SMAP1: variants seen among roughly 807,000 people sequenced by gnomAD.
SMAP1 encodes the protein stromal membrane-associated protein 1.
SMAP1 carries 24 observed loss-of-function variants against 58.5 expected under a neutral mutation model. The observed-to-expected ratio is 0.41, with a 90% confidence interval of 0.30 to 0.58. SMAP1 has a LOEUF of 0.58. Among genes scored for constraint, SMAP1 ranks in the 20% least tolerant of loss-of-function variants. The pLI, the probability that SMAP1 is intolerant of heterozygous loss-of-function variation, is 0.29. For synonymous variants in SMAP1, 216 were observed against 196.6 expected, an observed-to-expected ratio of 1.10 and a Z score of -0.82; for missense variants, 563 against 566.3, an observed-to-expected ratio of 0.99 and a Z score of 0.06.
intron 2 of SMAP1, among the ~76,000 whole-genome samples, chr6:70,739,672 C>T (rs1206416035): frequency 1.3e-5 from 2 of 151,826 alleles, no homozygotes; most frequent in African/African-American, 4.8e-5. Flanking sequence ...TTTTAATATT[C>T]TCTTGCTTTA....
At chr6:70,680,485 A>G (rs780661685) in intron 1 of SMAP1, among the ~76,000 whole-genome samples, 2 of 152,196 alleles carry the variant, frequency 1.3e-5, no homozygotes, top group Non-Finnish European at 2.9e-5. Flanking sequence ...TAAAACAAGC[A>G]CTTGAATGTT....
intron 6 of SMAP1, among the ~76,000 whole-genome samples, chr6:70,803,904 C>T (rs1161266966): frequency 1.3e-5 from 2 of 152,178 alleles, no homozygotes; most frequent in Non-Finnish European, 2.9e-5. Flanking sequence ...GAGTGTTTTA[C>T]TTCCAATTAT....
chr6:70,698,679 T>A (rs1211927512), intron 1 of SMAP1, among the ~76,000 whole-genome samples: 3 of 150,864 alleles, frequency 2.0e-5, no homozygotes, highest in African/African-American at 7.2e-5. Context: ...GTTGAGAGAC[T>A]CTGACGCATT....
intron 7 of SMAP1, among the ~76,000 whole-genome samples, chr6:70,847,876 C>T (rs548479523): frequency 6.6e-6 from 1 of 152,200 alleles, no homozygotes; most frequent in East Asian, 1.9e-4. Flanking sequence ...GATGTTCTCT[C>T]TCCCCTGAAA....
intron 4 of SMAP1, among the ~76,000 whole-genome samples, chr6:70,786,178 A>T (rs1193494339): frequency 6.6e-6 from 1 of 151,260 alleles, no homozygotes; most frequent in Non-Finnish European, 1.5e-5. Context: ...AATCCAGCAT[A>T]TAAACAGAAC....
At chr6:70,777,249 C>T (rs556421471) in intron 4 of SMAP1, among the ~76,000 whole-genome samples, 4 of 152,156 alleles carry the variant, frequency 2.6e-5, no homozygotes, top group Admixed American at 1.3e-4. Context: ...GTGAGATGAA[C>T]CCTGTACCTC....
chr6:70,854,530 G>T (rs1354932929), intron 8 of SMAP1, among the ~76,000 whole-genome samples: 2 of 152,048 alleles, frequency 1.3e-5, no homozygotes, highest in Non-Finnish European at 2.9e-5. Flanking sequence ...GCTGAGGCAG[G>T]AGAATTGCTT....
intron 1 of SMAP1, among the ~76,000 whole-genome samples, chr6:70,707,505 CAT>C (rs1402514537): frequency 6.6e-6 from 1 of 152,046 alleles, no homozygotes; most frequent in African/African-American, 2.4e-5. Flanking sequence ...AAACTAAACA[CAT>C]ATTTTCAAAA....
chr6:70,697,542 G>A (rs1456795847), intron 1 of SMAP1, among the ~76,000 whole-genome samples: 6 of 152,066 alleles, frequency 3.9e-5, no homozygotes, highest in Admixed American at 3.3e-4. Context: ...TTCTGACCTC[G>A]TGATTTGCCT....
intron 6 of SMAP1, among the ~76,000 whole-genome samples, chr6:70,802,971 T>G (rs1195933250): frequency 1.3e-5 from 2 of 152,220 alleles, no homozygotes; most frequent in Non-Finnish European, 2.9e-5. Context: ...AATTCTCTTT[T>G]TTTGTTGTGT....
chr6:70,668,574 A>C, intron 1 of SMAP1: 1 of 1,534,758 alleles, frequency 6.5e-7, no homozygotes, highest in South Asian at 1.2e-5. Flanking sequence ...CCCCTCCTCT[A>C]CCCTCCGGTG....
At chr6:70,779,877 G>A (rs1306854321) in intron 4 of SMAP1, among the ~76,000 whole-genome samples, 1 of 152,188 alleles carries the variant, frequency 6.6e-6, no homozygotes, top group Non-Finnish European at 1.5e-5. Context: ...GATCAACATT[G>A]GCAGAGAGGT....
chr6:70,675,994 C>A (rs1024671981), intron 1 of SMAP1, among the ~76,000 whole-genome samples: 9 of 152,180 alleles, frequency 5.9e-5, no homozygotes, highest in African/African-American at 2.2e-4. Context: ...TCCCTAATAA[C>A]CTTTGGCACT....
Position 70,858,042 on chromosome 6 carries a change from G to GA in SMAP1, c.1083dup (p.Gln362ThrfsTer47). On this transcript the variant is annotated frameshift_variant, in exon 10 of 11. Transcript: ENST00000370455. LOFTEE classifies it high-confidence loss of function. The stretch of plus-strand genomic sequence containing the variant: ...CCTGGCCTTATAGGAAATGTGATGG[G>GA]ACAGAGTCCAAGCATGATGGTGGGC... The GA allele has an allele frequency of 6.2e-7, 1 of 1,614,138 alleles. No individual in the cohort carries two copies. The highest frequency in any genetic ancestry group is 8.5e-7 in the Non-Finnish European group (1 of 1,180,004).
intron 3 of SMAP1, 90 bp from the exon 4 acceptor site, chr6:70,773,254 ATTAAAT>A (rs1286227365): frequency 1.3e-5 from 9 of 699,506 alleles, no homozygotes; most frequent in Middle Eastern, 2.5e-4. Context: ...GAGTAGGAAA[ATTAAAT>A]TTAGAGTCCC....
At chr6:70,673,609 G>A (rs888148750) in intron 1 of SMAP1, among the ~76,000 whole-genome samples, 2 of 152,206 alleles carry the variant, frequency 1.3e-5, no homozygotes, top group African/African-American at 2.4e-5. Context: ...TGGGGAACTG[G>A]TGTTTATTAT....
At chr6:70,831,450 G>A (rs1303587068) in intron 6 of SMAP1, among the ~76,000 whole-genome samples, 1 of 152,062 alleles carries the variant, frequency 6.6e-6, no homozygotes, top group Non-Finnish European at 1.5e-5. Flanking sequence ...CCCAGTGTCT[G>A]TTGTTCCCTT....
At chr6:70,689,442 G>A (rs571443783) in intron 1 of SMAP1, among the ~76,000 whole-genome samples, 1 of 152,328 alleles carries the variant, frequency 6.6e-6, no homozygotes, top group African/African-American at 2.4e-5. Context: ...CTGCCTTTAT[G>A]CCAATGTTGT....
At chr6:70,758,197 A>T (rs1582125798) in intron 3 of SMAP1, among the ~76,000 whole-genome samples, 1 of 151,768 alleles carries the variant, frequency 6.6e-6, no homozygotes, top group Non-Finnish European at 1.5e-5. Flanking sequence ...GCCATAAAAA[A>T]TGATGCGTTC....
Sources: allele counts gnomAD v4.1 joint callset (sites outside exome capture counted in the v4.1 genomes callset), GRCh38; gene constraint gnomAD v4.1.1; transcripts MANE v1.5; gene names NCBI Gene and HGNC (gene_info 2026-07-23, HGNC 2026-07-21).